The following GNAT3 variants were observed in gnomAD, a reference collection of about 807,000 sequenced individuals.
GNAT3 encodes the protein G protein subunit alpha transducin 3.
A neutral mutation model predicts 37.7 loss-of-function variants in GNAT3; 31 were observed. That is an observed-to-expected ratio of 0.82 (90% CI 0.62 to 1.11). The LOEUF (loss-of-function observed/expected upper bound fraction) is 1.11, where lower values mean the gene tolerates loss of function less well. Ranked by LOEUF, GNAT3 falls within the 50% of genes most tolerant of loss-of-function variation. The probability of loss-of-function intolerance (pLI) is 0.00; values close to 1 mark genes in which losing one functional copy is unlikely to be tolerated. For missense variants in GNAT3, 437 were observed against 412.5 expected, an observed-to-expected ratio of 1.06 and a Z score of -0.51; for synonymous variants, 138 against 139.8, an observed-to-expected ratio of 0.99 and a Z score of 0.09.
In GNAT3 at chr7:80,478,840, C is replaced by T; in HGVS notation, c.461+1G>A. Reference sequence around the variant, plus strand: ...ATTCCCCTTAAAGTGAATTCACTTACTAAGCTGCTGAGTCATTGAGCTGAT... The same window carrying T: ...ATTCCCCTTAAAGTGAATTCACTTATTAAGCTGCTGAGTCATTGAGCTGAT... On this transcript the variant is annotated splice_donor_variant, in intron 4 of 7. Coordinates refer to ENST00000398291, the MANE Select transcript of GNAT3 (RefSeq NM_001102386.3). LOFTEE classifies it high-confidence loss of function. 8 of 1,612,350 alleles carry T rather than the reference C, an allele frequency of 5.0e-6. No homozygotes were observed. Among genetic ancestry groups the T allele is most frequent in the Non-Finnish European group, 6.8e-6 (8 of 1,178,910 alleles).
chr7:80,500,756 T>C lies in GNAT3; in HGVS notation c.119-6109A>G, dbSNP rs569932746. Among the ~76,000 whole-genome samples the C allele has an allele frequency of 3.1e-4, 47 of 152,300 alleles. No homozygotes were observed. The South Asian group carries it at 9.7e-3, about 32-fold the overall frequency. ...TCAGGAATTGATAAGGAATTTTATT[T>C]AATTATTTTTTGGCACCTCCTGACA... On this transcript the variant is annotated intron_variant, in intron 1 of 7. Coordinates refer to ENST00000398291, the MANE Select transcript of GNAT3 (RefSeq NM_001102386.3).
intron 5 of GNAT3, among the ~76,000 whole-genome samples, chr7:80,472,373 C>T (rs185863895): frequency 6.6e-6 from 1 of 152,220 alleles, no homozygotes; most frequent in East Asian, 1.9e-4. Flanking sequence ...CATTTATGAG[C>T]ATGCTGCAGG....
chr7:80,474,789 C>T (rs76960962), intron 4 of GNAT3, among the ~76,000 whole-genome samples: 7,023 of 152,126 alleles, frequency 0.046, 193 homozygotes, highest in East Asian at 0.1. Flanking sequence ...TTTATAGTGC[C>T]TGGATCATTA....
intron 3 of GNAT3, among the ~76,000 whole-genome samples, chr7:80,480,607 A>AT: frequency 6.6e-6 from 1 of 152,164 alleles, no homozygotes; most frequent in Middle Eastern, 3.4e-3. Context: ...CTGGTTGTTC[A>AT]TTTTTGTGGT....
At chr7:80,463,836 T>G (rs1790093003) in intron 5 of GNAT3, among the ~76,000 whole-genome samples, 1 of 149,230 alleles carries the variant, frequency 6.7e-6, no homozygotes, top group Non-Finnish European at 1.5e-5. Flanking sequence ...TCTCATGCCT[T>G]GATAACTTAC....
chr7:80,461,428 C>T (rs529384986), intron 7 of GNAT3, among the ~76,000 whole-genome samples: 5 of 151,970 alleles, frequency 3.3e-5, no homozygotes, highest in Admixed American at 2.0e-4. Flanking sequence ...GTGCACCAGT[C>T]GTCCCAGCCA....
chr7:80,489,766 A>T (rs1412798880), intron 2 of GNAT3, among the ~76,000 whole-genome samples: 1 of 152,272 alleles, frequency 6.6e-6, no homozygotes, highest in South Asian at 2.1e-4. Context: ...TGTAGAAAAA[A>T]ATGCAGTAAA....
intron 2 of GNAT3, among the ~76,000 whole-genome samples, chr7:80,490,214 C>A (rs1371227548): frequency 6.6e-6 from 1 of 152,122 alleles, no homozygotes; most frequent in Non-Finnish European, 1.5e-5. Context: ...ACATTAGTCA[C>A]TAGATGATTA....
chr7:80,511,895 T>C lies in GNAT3; in HGVS notation c.32A>G (p.Glu11Gly), dbSNP rs770211489. MGSGISSESKESAKRSKELEK... is the reference protein window; with the variant it reads MGSGISSESKGSAKRSKELEK... ...CAGTTCTTTTGATCTTTTGGCTGACTCCTTGCTCTCTGAACTAATTCCACT... is the reference window on the plus strand; with the variant it reads ...CAGTTCTTTTGATCTTTTGGCTGACCCCTTGCTCTCTGAACTAATTCCACT... Residue 11 changes from glutamate to glycine, a missense_variant, in exon 1 of 8, where the codon GAG becomes GGG. Glu to Gly is a moderately conservative substitution (Grantham distance 98). Coordinates refer to ENST00000398291, the MANE Select transcript of GNAT3 (RefSeq NM_001102386.3). 6.2e-7 allele frequency: 1 copy of C among 1,611,816 alleles called. No individual in the cohort carries two copies.
At chr7:80,501,195 CTTTTTATTT>C (rs1790827072) in intron 1 of GNAT3, among the ~76,000 whole-genome samples, 1 of 151,908 alleles carries the variant, frequency 6.6e-6, no homozygotes, top group Admixed American at 6.6e-5. Context: ...TTTTCCCAAA[CTTTTTATTT>C]TGATAATTAA....
intron 1 of GNAT3, among the ~76,000 whole-genome samples, 162 bp downstream of exon 1, chr7:80,511,643 TTAAA>T (rs139533959): frequency 0.044 from 6,679 of 152,172 alleles, 500 homozygotes; most frequent in African/African-American, 0.15. Context: ...AGAAAAATTA[TTAAA>T]TATTGATAGA....
At chr7:80,483,279 A>G (rs1790422184) in intron 3 of GNAT3, among the ~76,000 whole-genome samples, 1 of 152,082 alleles carries the variant, frequency 6.6e-6, no homozygotes, top group Non-Finnish European at 1.5e-5. Context: ...TATTGAACAT[A>G]GTGTATTTCC....
In GNAT3 at chr7:80,458,643, G is replaced by A. The variant is rs756466027; in HGVS notation, c.*28C>T. 6.0e-6 allele frequency: 8 copies of A among 1,331,282 alleles called. No individual in the cohort carries two copies. In the South Asian group the frequency reaches 9.7e-5, roughly 16 times the overall value. 82.5% of individuals were successfully genotyped at this position (1,331,282 alleles called of 1,614,324 possible). A position where few individuals can be genotyped will look rare whatever the true frequency, so the allele number is the denominator to read the frequency against. On this transcript the variant is annotated 3_prime_UTR_variant, in exon 8 of 8. Coordinates refer to ENST00000398291, the MANE Select transcript of GNAT3 (RefSeq NM_001102386.3). The stretch of plus-strand genomic sequence containing the variant: ...CTTTTATATTTTGAAAAGCATACAT[G>A]AGCAAGAGTGGAAGAGAAAATAGTT...
At chr7:80,465,107 A>T (rs1175119527) in intron 5 of GNAT3, among the ~76,000 whole-genome samples, 2 of 152,156 alleles carry the variant, frequency 1.3e-5, no homozygotes, top group Non-Finnish European at 2.9e-5. Flanking sequence ...AGAAACAAGG[A>T]TGATAAATAT....
chr7:80,511,518 A>G (rs909348619), intron 1 of GNAT3, among the ~76,000 whole-genome samples: 5 of 152,144 alleles, frequency 3.3e-5, no homozygotes, highest in Admixed American at 3.3e-4. Flanking sequence ...GGTGCAATAA[A>G]ATAATAAATG....
intron 5 of GNAT3, among the ~76,000 whole-genome samples, chr7:80,472,609 T>A (rs1002040653): frequency 2.0e-5 from 3 of 152,122 alleles, no homozygotes; most frequent in African/African-American, 7.2e-5. Context: ...TTTGAGACAA[T>A]ACCAAATTGG....
At chr7:80,484,786 C>A (rs1195414179) in intron 3 of GNAT3, among the ~76,000 whole-genome samples, 2 of 152,016 alleles carry the variant, frequency 1.3e-5, no homozygotes, top group Admixed American at 6.6e-5. Context: ...AAACCACAAC[C>A]AATAAGAACA....
rs1044709047 is a variant in GNAT3 at position 80,462,153 on chromosome 7, T to A, written c.874+6A>T. On this transcript the variant is annotated splice_donor_region_variant and intron_variant, in intron 7 of 7. Transcript: ENST00000398291. ...TTTCTATGGAACTAAAAGAAAAAAA[T>A]CTTACCAGTGTATTCTGGAAAGCAG... 7.2e-6 allele frequency: 11 copies of A among 1,526,642 alleles called. No individual in the cohort carries two copies. The African/African-American group carries it at 1.3e-4, about 17-fold the overall frequency. 94.6% of individuals were successfully genotyped at this position (1,526,642 alleles called of 1,614,324 possible).
chr7:80,501,009 A>G (rs1790822759), intron 1 of GNAT3, among the ~76,000 whole-genome samples: 1 of 151,896 alleles, frequency 6.6e-6, no homozygotes, highest in South Asian at 2.1e-4. Context: ...GTCTTTGTCA[A>G]ATTTTGTTGT....
Sources: gnomAD v4.1 joint callset for allele counts (sites outside exome capture counted in the v4.1 genomes callset) on GRCh38, gnomAD v4.1.1 for gene constraint, MANE v1.5 for transcripts, NCBI Gene and HGNC (gene_info 2026-07-23, HGNC 2026-07-21) for gene names.